Variants in STC2 observed in about 807,000 individuals in gnomAD.
The protein encoded by STC2 is stanniocalcin-2.
STC2 carries 7 observed loss-of-function variants against 22.7 expected under a neutral mutation model. The ratio of observed to expected loss-of-function variants is 0.31; its 90% CI spans 0.18 to 0.58. The LOEUF is 0.58. Among genes scored for constraint, STC2 ranks in the 20% least tolerant of loss-of-function variants. The pLI is 0.89. For synonymous variants in STC2, 158 were observed against 163.4 expected, an observed-to-expected ratio of 0.97 and a Z score of 0.25; for missense variants, 336 against 406.2, an observed-to-expected ratio of 0.83 and a Z score of 1.48.
At chr5:173,320,089 G>A (rs901146670) in intron 3 of STC2, among the ~76,000 whole-genome samples, 3 of 152,246 alleles carry the variant, frequency 2.0e-5, no homozygotes, top group African/African-American at 4.8e-5. Flanking sequence ...TTTAGCACCT[G>A]ACTGTGCCTG....
chr5:173,325,368 T>A lies in STC2; in HGVS notation c.294+500A>T, dbSNP rs931760314. Among the ~76,000 whole-genome samples, 1 of 152,174 alleles carries A rather than the reference T, an allele frequency of 6.6e-6. No individual in the cohort carries two copies. The highest frequency in any genetic ancestry group is 1.5e-5 in the Non-Finnish European group (1 of 68,034). The stretch of plus-strand genomic sequence containing the variant: ...AAAGGAAAGTGTGGAACTGAAGGAC[T>A]CAATCAGGGTTTCGACCGGTCAGCT... On this transcript the variant is annotated intron_variant, in intron 2 of 3. Transcript: ENST00000265087. This position sits in a 1 kb window ranked among gnomAD's most constrained non-coding sequence, Gnocchi z 4.7.
In STC2 at chr5:173,317,748, G is replaced by A. The variant is rs990546633; in HGVS notation, c.*99C>T. The A allele has an allele frequency of 7.1e-5, 101 of 1,431,186 alleles. 1 individual carries two copies. Among genetic ancestry groups the A allele is most frequent in the Admixed American group, 1.6e-4 (7 of 43,806 alleles). The allele number at this position is 1,431,186 out of a possible 1,614,324, so 88.7% of individuals were successfully genotyped here. Reference sequence around the variant, plus strand: ...GTCCACAGTCCCCACAGAATCCTGCGTGTGACATCCCCCCTCTCTAATGGT... The same window carrying A: ...GTCCACAGTCCCCACAGAATCCTGCATGTGACATCCCCCCTCTCTAATGGT... On this transcript the variant is annotated 3_prime_UTR_variant, in exon 4 of 4. Coordinates refer to ENST00000265087, the MANE Select transcript of STC2 (RefSeq NM_003714.3).
In STC2 at chr5:173,315,383, C is replaced by A. The variant is rs1762408264; in HGVS notation, c.*2464G>T. ...TGGGATAGAAATGCTATCTACCCGA[C>A]TTCTGAGGAGAAAACAAAGCAGTGG... On this transcript the variant is annotated 3_prime_UTR_variant, in exon 4 of 4. Coordinates refer to ENST00000265087, the MANE Select transcript of STC2 (RefSeq NM_003714.3). 6.6e-6 allele frequency: 1 copy of A among 152,190 alleles called. No homozygotes were observed. Among genetic ancestry groups the A allele is most frequent in the African/African-American group, 2.4e-5 (1 of 41,444 alleles). 9.4% of individuals were successfully genotyped at this position (152,190 alleles called of 1,614,324 possible). A position where few individuals can be genotyped will look rare whatever the true frequency, so the allele number is the denominator to read the frequency against.
At position 173,325,609 on chromosome 5, in the gene STC2, C is replaced by T. The variant is rs976963855; in HGVS notation, c.294+259G>A. Among the ~76,000 whole-genome samples, 3 of 152,180 alleles carry T rather than the reference C, an allele frequency of 2.0e-5. No individual in the cohort carries two copies. Among genetic ancestry groups the T allele is most frequent in the Non-Finnish European group, 4.4e-5 (3 of 68,046 alleles). On this transcript the variant is annotated intron_variant, in intron 2 of 3. Coordinates refer to ENST00000265087, the MANE Select transcript of STC2 (RefSeq NM_003714.3). This position sits in a 1 kb window ranked among gnomAD's most constrained non-coding sequence, Gnocchi z 4.7. ...CTTTGGAGACTGAGTTCTGGGTGGC[C>T]AGACACAGCGTGTCCCCTTACAAGG...
rs929674037 is a variant in STC2, at chr5:173,328,043, C to T, written c.151G>A (p.Ala51Thr). 2 of 1,566,238 alleles carry T rather than the reference C, an allele frequency of 1.3e-6. No individual in the cohort carries two copies. Among genetic ancestry groups the T allele is most frequent in the Non-Finnish European group, 1.7e-6 (2 of 1,156,474 alleles). ...CGGCTGCGGGGGCACATGCACTTACCTGTATTCTGCAGGGACAGGCGGCCT... is the reference window on the plus strand; with the variant it reads ...CGGCTGCGGGGGCACATGCACTTACTTGTATTCTGCAGGGACAGGCGGCCT... ...QKGRLSLQNT[A>T]EIQHCLVNAG... The change falls in exon 1 of 4, where the codon GCG (alanine) becomes ACG (threonine). Residue 51 changes from alanine (A) to threonine (T), a missense_variant and splice_region_variant. Physicochemically the swap from Ala to Thr is moderately conservative, Grantham distance 58. This residue lies in a region of STC2 where 99 missense variants were observed against 122.7 expected (regional missense o/e 0.81). Transcript: ENST00000265087.
chr5:173,327,952 C>T, intron 1 of STC2, 91 bp downstream of exon 1: 1 of 1,379,800 alleles, frequency 7.2e-7, no homozygotes. Context: ...TGGGTGGGCG[C>T]CTGGCTCCCG....
In STC2 at chr5:173,325,811, C is replaced by T. The variant is rs1018037294; in HGVS notation, c.294+57G>A. 2.0e-5 allele frequency: 32 copies of T among 1,606,498 alleles called. No homozygotes were observed. In the African/African-American group the frequency reaches 2.0e-4, roughly 10 times the overall value. ...TTGGTTAACAAGGCTTTCCAATGAA[C>T]GTTTCAATCATGTATGCTCACCCCA... On this transcript the variant is annotated intron_variant, in intron 2 of 3. Coordinates refer to ENST00000265087, the MANE Select transcript of STC2 (RefSeq NM_003714.3). This position sits in a 1 kb window ranked among gnomAD's most constrained non-coding sequence, Gnocchi z 4.7.
chr5:173,319,394 A>G (rs1762461342), intron 3 of STC2, among the ~76,000 whole-genome samples: 1 of 152,208 alleles, frequency 6.6e-6, no homozygotes, highest in East Asian at 1.9e-4. Flanking sequence ...CCTCGCTGGC[A>G]AAGTTTCTGA....
chr5:173,326,093 A>G (rs1762543385), intron 1 of STC2, 83 bp from the exon 2 acceptor site: 6 of 1,486,066 alleles, frequency 4.0e-6, no homozygotes, highest in Non-Finnish European at 9.2e-7. Flanking sequence ...AATAAAAGTT[A>G]ACAACTAAAG....
rs1581137148 is a variant in STC2 at position 173,316,385 on chromosome 5, A to T, written c.*1462T>A. The T allele has an allele frequency of 6.6e-6, 1 of 151,786 alleles. No individual in the cohort carries two copies. The highest frequency in any genetic ancestry group is 2.1e-4 in the South Asian group (1 of 4,796). 9.4% of individuals were successfully genotyped at this position (151,786 alleles called of 1,614,324 possible). A position where few individuals can be genotyped will look rare whatever the true frequency, so the allele number is the denominator to read the frequency against. On this transcript the variant is annotated 3_prime_UTR_variant, in exon 4 of 4. Transcript: ENST00000265087. The stretch of plus-strand genomic sequence containing the variant: ...ACTCCAGAAGAGCCCAGCCCAGAAT[A>T]CCCGGCCACTCCCTACAATACCAGC...
chr5:173,322,300 A>G (rs941773686), intron 3 of STC2, among the ~76,000 whole-genome samples: 1 of 151,474 alleles, frequency 6.6e-6, no homozygotes, highest in African/African-American at 2.4e-5. Context: ...TCAATATTTA[A>G]AAAAAAAATC....
intron 2 of STC2, among the ~76,000 whole-genome samples, chr5:173,324,827 C>A (rs1455872280): frequency 6.6e-6 from 1 of 152,188 alleles, no homozygotes; most frequent in African/African-American, 2.4e-5. Flanking sequence ...TTCCTAATTC[C>A]CGTTAATCCA....
chr5:173,321,127 AG>A (rs1264098179), intron 3 of STC2, among the ~76,000 whole-genome samples: 1 of 151,402 alleles, frequency 6.6e-6, no homozygotes, highest in Non-Finnish European at 1.5e-5. Flanking sequence ...GGGGGGTCAT[AG>A]GCTCATTCTG....
In STC2 at chr5:173,328,252, C is replaced by T; in HGVS notation, c.-59G>A. 1 of 1,382,762 alleles carries T rather than the reference C, an allele frequency of 7.2e-7. No individual in the cohort carries two copies. The highest frequency in any genetic ancestry group is 2.8e-5 in the Admixed American group (1 of 36,332). 85.7% of individuals were successfully genotyped at this position (1,382,762 alleles called of 1,614,324 possible). On this transcript the variant is annotated 5_prime_UTR_variant, in exon 1 of 4. Transcript: ENST00000265087. ...GGATCCTTTGTGCTCCCCTCTTCCT[C>T]CTCCTCCTCTTCCTCCTTCGCCGCT...
At chr5:173,319,596 A>G (rs1412766045) in intron 3 of STC2, among the ~76,000 whole-genome samples, 1 of 152,274 alleles carries the variant, frequency 6.6e-6, no homozygotes. Context: ...TGGAAAGAGC[A>G]GACTGTGTTT....
chr5:173,324,398 A>G (rs1308319998), intron 2 of STC2: 3 of 152,280 alleles, frequency 2.0e-5, no homozygotes, highest in African/African-American at 7.2e-5. Context: ...CTGTTTTTAG[A>G]CAGGCCCGGA....
chr5:173,314,905 T>C lies in STC2; in HGVS notation c.*2942A>G, dbSNP rs961301458. 6.6e-6 allele frequency: 1 copy of C among 152,210 alleles called. No homozygotes were observed. Among genetic ancestry groups the C allele is most frequent in the Non-Finnish European group, 1.5e-5 (1 of 68,038 alleles). 9.4% of individuals were successfully genotyped at this position (152,210 alleles called of 1,614,324 possible). On this transcript the variant is annotated 3_prime_UTR_variant, in exon 4 of 4. Coordinates refer to ENST00000265087, the MANE Select transcript of STC2 (RefSeq NM_003714.3). This position sits in a 1 kb window ranked among gnomAD's most constrained non-coding sequence, Gnocchi z 4.6. Reference sequence around the variant, plus strand: ...GGAAGTGGCCACTGGAAGCATTGTTTTTCCATGCTATTTCCGTGAAGCCTT... The same window carrying C: ...GGAAGTGGCCACTGGAAGCATTGTTCTTCCATGCTATTTCCGTGAAGCCTT...
Position 173,317,720 on chromosome 5 carries a change from G to A in STC2, c.*127C>T. On this transcript the variant is annotated 3_prime_UTR_variant, in exon 4 of 4. Coordinates refer to ENST00000265087, the MANE Select transcript of STC2 (RefSeq NM_003714.3). ...CCGTTCCGCGAACACACACCTCGAT[G>A]AAGTCCACAGTCCCCACAGAATCCT... is the stretch of plus-strand genomic sequence containing the variant. The A allele has an allele frequency of 7.7e-7, 1 of 1,297,148 alleles. No homozygotes were observed. Among genetic ancestry groups the A allele is most frequent in the East Asian group, 2.4e-5 (1 of 41,938 alleles). The allele number at this position is 1,297,148 out of a possible 1,614,324, so 80.4% of individuals were successfully genotyped here.
intron 3 of STC2, chr5:173,322,855 A>G (rs949590938): frequency 3.8e-6 from 1 of 265,540 alleles, no homozygotes; most frequent in Non-Finnish European, 7.4e-6. Flanking sequence ...AACAAATGTT[A>G]TTAGCAATTT....
Sources: gnomAD v4.1 joint callset for allele counts (sites outside exome capture counted in the v4.1 genomes callset) on GRCh38, gnomAD v4.1.1 for gene constraint, gnomAD v4.1.1 regional missense constraint, Gnocchi (gnomAD v3.1) non-coding constraint, MANE v1.5 for transcripts, NCBI Gene and HGNC (gene_info 2026-07-23, HGNC 2026-07-21) for gene names.